TENM3: variants seen among roughly 807,000 people sequenced by gnomAD.
The protein encoded by TENM3 is teneurin transmembrane protein 3.
Under a neutral mutation model 255.1 loss-of-function variants are expected in TENM3, and 63 were observed. The observed-to-expected ratio is 0.25, with a 90% confidence interval of 0.20 to 0.30. The LOEUF is 0.30. Among genes scored for constraint, TENM3 ranks in the 10% least tolerant of loss-of-function variants. The pLI is 1.00. For missense variants in TENM3, 2,929 were observed against 3,461.1 expected, an observed-to-expected ratio of 0.85 and a Z score of 3.86; for synonymous variants, 1,306 against 1,322.3, an observed-to-expected ratio of 0.99 and a Z score of 0.27.
In TENM3 at chr4:182,643,642, A is replaced by G. The variant is rs531455004; in HGVS notation, c.989-10129A>G. 1.1e-4 allele frequency among the ~76,000 whole-genome samples: 17 copies of G among 152,318 alleles called. No individual in the cohort carries two copies. In the South Asian group the frequency reaches 3.3e-3, roughly 30 times the overall value. ...CAGACAGGGACTCCAGTCTCTTTTA[A>G]TACAAACAAAAGGCCCCACAAGATG... On this transcript the variant is annotated intron_variant, in intron 5 of 27. Transcript: ENST00000511685.
At chr4:182,203,967 T>C (rs1041673335) in intron 1 of TENM3, among the ~76,000 whole-genome samples, 2 of 152,114 alleles carry the variant, frequency 1.3e-5, no homozygotes, top group East Asian at 1.9e-4. Flanking sequence ...AGATATAACA[T>C]GGATTCGAGA....
chr4:182,647,300 T>C (rs1481317241), intron 5 of TENM3, among the ~76,000 whole-genome samples: 1 of 152,238 alleles, frequency 6.6e-6, no homozygotes, highest in Non-Finnish European at 1.5e-5. Flanking sequence ...AGGATTAGCA[T>C]TGTTGTGCAA....
chr4:181,521,710 G>T, the TENM3 span, among the ~76,000 whole-genome samples: 1 of 151,988 alleles, frequency 6.6e-6, no homozygotes, highest in Non-Finnish European at 1.5e-5. Flanking sequence ...GCCATGCTTT[G>T]CTTGCAATTC....
rs188750778 is a variant in TENM3 at position 182,211,222 on chromosome 4, G to A, written c.-76+66468G>A. The stretch of plus-strand genomic sequence containing the variant: ...TATTCATAAAGCTCATTCAACCCAC[G>A]AGAGACGTGGCTCTTTCTTGTTCAC... On this transcript the variant is annotated intron_variant, in intron 1 of 2. Coordinates refer to the TENM3 transcript ENST00000512480. Among the ~76,000 whole-genome samples the A allele has an allele frequency of 2.4e-3, 367 of 152,298 alleles. 1 individual carries two copies. Among genetic ancestry groups the A allele is most frequent in the African/African-American group, 8.5e-3 (352 of 41,560 alleles).
At chr4:182,101,272 AAGGAAAGAAGGGAGGG>A in the TENM3 span, among the ~76,000 whole-genome samples, 1 of 95,470 alleles carries the variant, frequency 1.0e-5, no homozygotes, top group African/African-American at 4.0e-5. Flanking sequence ...AGAAGGAAGG[AAGGAAAGAAGGGAGGG>A]AGGAAGGAAG....
At chr4:182,551,801 G>A (rs528104971) in intron 3 of TENM3, among the ~76,000 whole-genome samples, 12 of 152,036 alleles carry the variant, frequency 7.9e-5, no homozygotes, top group East Asian at 5.8e-4. Context: ...TGGGAAGATC[G>A]CTTGAGGCCA....
the TENM3 span, among the ~76,000 whole-genome samples, chr4:181,844,733 G>A: frequency 6.6e-6 from 1 of 152,074 alleles, no homozygotes; most frequent in African/African-American, 2.4e-5. Flanking sequence ...CTAAATAATA[G>A]GAGTTTCAGA....
the TENM3 span, among the ~76,000 whole-genome samples, chr4:181,705,046 CAAAACAA>C: frequency 3.7e-5 from 1 of 27,176 alleles, no homozygotes; most frequent in African/African-American, 1.1e-4. Context: ...AAAAACAAAA[CAAAACAA>C]AAAAAAAAAA....
the TENM3 span, among the ~76,000 whole-genome samples, chr4:181,978,977 GA>G: frequency 0.19 from 24,123 of 129,188 alleles, 2,068 homozygotes; most frequent in South Asian, 0.3. Flanking sequence ...TTGCTTAAGT[GA>G]AAAAAAAAAA....
chr4:181,931,169 A>G, the TENM3 span, among the ~76,000 whole-genome samples: 1 of 152,230 alleles, frequency 6.6e-6, no homozygotes, highest in Non-Finnish European at 1.5e-5. Context: ...TGGCCAGGGC[A>G]ATCAGGCAAG....
intron 1 of TENM3, among the ~76,000 whole-genome samples, chr4:182,150,187 A>G (rs1750241494): frequency 6.6e-6 from 1 of 151,888 alleles, no homozygotes; most frequent in Non-Finnish European, 1.5e-5. Context: ...CAAAACCAAA[A>G]AAAGATAAGG....
rs189082296 is a variant in TENM3 at position 182,716,238 on chromosome 4, A to G, written c.2368+2005A>G. Among the ~76,000 whole-genome samples the G allele has an allele frequency of 9.8e-4, 150 of 152,286 alleles. 1 individual carries two copies. Among genetic ancestry groups the G allele is most frequent in the African/African-American group, 3.3e-3 (139 of 41,584 alleles). ...GAAGATTGCACTGAGGAGTTTACAG[A>G]GTCTCTCAGAGGGAAGCGGGCTGCA... On this transcript the variant is annotated intron_variant, in intron 13 of 27. Transcript: ENST00000511685.
At chr4:182,418,290 A>C (rs1365489992) in intron 3 of TENM3, among the ~76,000 whole-genome samples, 2 of 152,250 alleles carry the variant, frequency 1.3e-5, no homozygotes, top group African/African-American at 2.4e-5. Context: ...AAAGCAAGTC[A>C]GTATAACAAG....
At chr4:181,883,766 C>G in the TENM3 span, among the ~76,000 whole-genome samples, 1 of 152,046 alleles carries the variant, frequency 6.6e-6, no homozygotes, top group Non-Finnish European at 1.5e-5. Context: ...CGTGAGCCAC[C>G]GCAATATACA....
chr4:181,535,444 C>T, the TENM3 span, among the ~76,000 whole-genome samples: 59 of 152,294 alleles, frequency 3.9e-4, no homozygotes, highest in Non-Finnish European at 7.2e-4. Flanking sequence ...CTTGCAATAG[C>T]CTTCTAACTG....
the TENM3 span, among the ~76,000 whole-genome samples, chr4:181,686,978 C>G: frequency 6.6e-6 from 1 of 152,016 alleles, no homozygotes; most frequent in East Asian, 1.9e-4. Flanking sequence ...TAGTTGCTTT[C>G]TATAAAAAAG....
chr4:181,832,375 T>TC, the TENM3 span, among the ~76,000 whole-genome samples: 1 of 152,194 alleles, frequency 6.6e-6, no homozygotes, highest in African/African-American at 2.4e-5. Context: ...TTCTTTTGTT[T>TC]CCCTGCTACA....
At chr4:182,140,215 T>C (rs1288228930), upstream of TENM3, among the ~76,000 whole-genome samples, 2 of 152,226 alleles carry the variant, frequency 1.3e-5, no homozygotes, top group African/African-American at 2.4e-5. Flanking sequence ...GTGAAGGCAC[T>C]TGTGTAAGGG....
intron 3 of TENM3, among the ~76,000 whole-genome samples, chr4:182,542,841 A>G (rs184082273): frequency 6.6e-6 from 1 of 152,282 alleles, no homozygotes; most frequent in African/African-American, 2.4e-5. Context: ...TACTTTCCAT[A>G]TCACTGTAAA....
Sources: allele counts gnomAD v4.1 joint callset (sites outside exome capture counted in the v4.1 genomes callset), GRCh38; gene constraint gnomAD v4.1.1; transcripts MANE v1.5; gene names NCBI Gene and HGNC (gene_info 2026-07-23, HGNC 2026-07-21).